TACC2: variants seen among roughly 807,000 people sequenced by gnomAD.
The protein encoded by TACC2 is transforming acidic coiled-coil containing protein 2, also known as transforming acidic coiled-coil-containing protein 2.
In TACC2, 137 loss-of-function variants were observed where a neutral mutation model predicts 227.3. The observed-to-expected ratio is 0.60, with a 90% CI of 0.52 to 0.69. The LOEUF (loss-of-function observed/expected upper bound fraction) is 0.69, where lower values mean the gene tolerates loss of function less well. TACC2 is among the 30% of genes least tolerant of loss of function. The pLI is 0.00. For missense variants in TACC2, 3,470 were observed against 3,694.4 expected (o/e 0.94, Z 1.57); for synonymous variants, 1,523 against 1,487.5 (o/e 1.02, Z -0.55).
intron 5 of TACC2, among the ~76,000 whole-genome samples, chr10:122,108,452 T>TC (rs1413087560): frequency 6.9e-6 from 1 of 145,158 alleles, no homozygotes; most frequent in African/African-American, 2.5e-5. Context: ...CTTTTTTTTT[T>TC]TTTTTTTTTT....
intron 22 of TACC2, among the ~76,000 whole-genome samples, chr10:122,250,361 G>C (rs1314792927): frequency 6.6e-6 from 1 of 152,232 alleles, no homozygotes; most frequent in Non-Finnish European, 1.5e-5. Context: ...AATTTCCTGA[G>C]CCTTGGGGTT....
chr10:122,178,641 T>C (rs1320078684), intron 7 of TACC2, among the ~76,000 whole-genome samples: 4 of 152,176 alleles, frequency 2.6e-5, no homozygotes, highest in Non-Finnish European at 4.4e-5. Context: ...CCCAGCACTT[T>C]GAGAGGCCAA....
chr10:122,113,724 G>T (rs1355538540), intron 5 of TACC2, among the ~76,000 whole-genome samples: 1 of 152,272 alleles, frequency 6.6e-6, no homozygotes, highest in East Asian at 1.9e-4. Context: ...ATAAAACTCT[G>T]CGCTGGATTT....
At chr10:122,243,366 G>T (rs1466516750) in intron 19 of TACC2, among the ~76,000 whole-genome samples, 2 of 152,130 alleles carry the variant, frequency 1.3e-5, no homozygotes, top group African/African-American at 4.8e-5. Flanking sequence ...CCAAGCATAT[G>T]GATGTATGAG....
intron 16 of TACC2, among the ~76,000 whole-genome samples, chr10:122,234,118 C>A (rs1312596467): frequency 6.6e-6 from 1 of 152,220 alleles, no homozygotes; most frequent in Non-Finnish European, 1.5e-5. Context: ...GGCAGGTGCT[C>A]TCCCCAGAAT....
intron 5 of TACC2, among the ~76,000 whole-genome samples, chr10:122,115,912 TG>T (rs1250852293): frequency 6.6e-6 from 1 of 152,176 alleles, no homozygotes; most frequent in African/African-American, 2.4e-5. Flanking sequence ...TAACTAGTGC[TG>T]GCTAGAGGAG....
intron 3 of TACC2, among the ~76,000 whole-genome samples, chr10:122,061,827 G>A (rs926358743): frequency 1.3e-5 from 2 of 151,982 alleles, no homozygotes; most frequent in African/African-American, 4.8e-5. Context: ...GGGGAGAGAG[G>A]GGCTGGCTCT....
chr10:122,051,439 A>G (rs1293310601), intron 3 of TACC2: 1 of 151,914 alleles, frequency 6.6e-6, no homozygotes, highest in Admixed American at 6.6e-5. Context: ...TTGGCCCCAC[A>G]CTCATAGTTT....
intron 8 of TACC2, among the ~76,000 whole-genome samples, chr10:122,203,930 C>T (rs1014234614): frequency 4.6e-5 from 7 of 152,058 alleles, no homozygotes; most frequent in South Asian, 2.1e-4. Context: ...CCGAGGCTGG[C>T]GGATCACTCG....
In TACC2 at chr10:122,194,147, T is replaced by A. The variant is rs1593171829; in HGVS notation, c.5835-893T>A. 6.6e-6 allele frequency among the ~76,000 whole-genome samples: 1 copy of A among 152,186 alleles called. No individual in the cohort carries two copies. The highest frequency in any genetic ancestry group is 1.9e-4 in the East Asian group (1 of 5,190). On this transcript the variant is annotated intron_variant, in intron 7 of 22. Coordinates refer to ENST00000369005, the MANE Select transcript of TACC2 (RefSeq NM_206862.4). The surrounding 1 kb of genome is among the most constrained non-coding windows in gnomAD (Gnocchi z 4.4). The stretch of plus-strand genomic sequence containing the variant: ...CTGTGTTGCCCAGGCTGGTCTCAAA[T>A]GCCTGACATCAAGCGATCCTCCCAC...
In TACC2 at chr10:122,075,802, CT is replaced by C. The variant is rs564189781; in HGVS notation, c.147-6837del. 1.2e-4 allele frequency among the ~76,000 whole-genome samples: 18 copies of C among 151,928 alleles called. No homozygotes were observed. The South Asian group carries it at 2.5e-3, about 21-fold the overall frequency. Reference sequence around the variant, plus strand: ...ATTTATAAAGAAAAATAATTGATTTCTTTTTTTTATTGTTGAGACAGGGTCT... The same window carrying C: ...ATTTATAAAGAAAAATAATTGATTTCTTTTTTTATTGTTGAGACAGGGTCT... On this transcript the variant is annotated intron_variant, in intron 3 of 22. Transcript: ENST00000369005.
chr10:122,086,704 C>T lies in TACC2; in HGVS notation c.4204C>T (p.Leu1402Phe), dbSNP rs1591834626. The T allele has an allele frequency of 6.2e-7, 1 of 1,613,952 alleles. No individual in the cohort carries two copies. Among genetic ancestry groups the T allele is most frequent in the South Asian group, 1.1e-5 (1 of 91,070 alleles). The change falls in exon 4 of 23, where the codon CTC (leucine) becomes TTC (phenylalanine). Residue 1402 changes from leucine to phenylalanine, a missense_variant. Leu to Phe is a conservative substitution (Grantham distance 22). This residue lies in a region of TACC2 where 1,924 missense variants were observed against 1,978.3 expected (regional missense o/e 0.97). Transcript: ENST00000369005. ...CACAAGCTCTGAGCAAATCGCCACC[C>T]TCACTGGCTTCCCAGACTTCAGGGA... ...VDTSSEQIAT[L>F]TGFPDFREHI...
chr10:122,080,957 T>C (rs542910622), intron 3 of TACC2, among the ~76,000 whole-genome samples: 1 of 152,270 alleles, frequency 6.6e-6, no homozygotes, highest in Non-Finnish European at 1.5e-5. Context: ...TTAAAGAAAA[T>C]GGTAAAAGCT....
chr10:122,047,542 C>T (rs2075165606), intron 2 of TACC2, among the ~76,000 whole-genome samples: 1 of 152,072 alleles, frequency 6.6e-6, no homozygotes, highest in African/African-American at 2.4e-5. Flanking sequence ...AGGAACCATC[C>T]CCAGCTCTTT....
At chr10:122,252,554 A>C (rs2096272798) in intron 22 of TACC2, among the ~76,000 whole-genome samples, 1 of 150,972 alleles carries the variant, frequency 6.6e-6, no homozygotes, top group African/African-American at 2.4e-5. Flanking sequence ...GCAGTGGCGC[A>C]ATCTCGGCTC....
At chr10:122,106,701 C>T (rs2082843582) in intron 5 of TACC2, among the ~76,000 whole-genome samples, 1 of 152,190 alleles carries the variant, frequency 6.6e-6, no homozygotes, top group Non-Finnish European at 1.5e-5. Flanking sequence ...ATGAGTGCTT[C>T]TCAGCACCAC....
In TACC2 at chr10:122,074,991, G is replaced by T. The variant is rs3981241; in HGVS notation, c.147-7656G>T. ...CCCTCAGAATGTGTGAGGAAATAGA[G>T]CACTTTGGACATCCTAAATGTTGGT... On this transcript the variant is annotated intron_variant, in intron 3 of 22. Transcript: ENST00000369005. 2.2e-3 allele frequency among the ~76,000 whole-genome samples: 333 copies of T among 152,096 alleles called. 4 individuals carry two copies. The highest frequency in any genetic ancestry group is 3.4e-3 in the Middle Eastern group (1 of 294).
At chr10:122,152,999 C>CTATCTTTTTTTTT (rs1555080795) in intron 7 of TACC2, among the ~76,000 whole-genome samples, 1 of 135,024 alleles carries the variant, frequency 7.4e-6, no homozygotes, top group Non-Finnish European at 1.6e-5. Context: ...TTCTTTCTTT[C>CTATCTTTTTTTTT]TTTTTTTTTT....
chr10:121,991,168 G>A (rs1241258223), intron 1 of TACC2, among the ~76,000 whole-genome samples: 1 of 152,204 alleles, frequency 6.6e-6, no homozygotes, highest in African/African-American at 2.4e-5. Flanking sequence ...TGTGTGTTCT[G>A]TCTTCTTCAG....
Sources: gnomAD v4.1 joint callset for allele counts (sites outside exome capture counted in the v4.1 genomes callset) on GRCh38, gnomAD v4.1.1 for gene constraint, gnomAD v4.1.1 regional missense constraint, Gnocchi (gnomAD v3.1) non-coding constraint, MANE v1.5 for transcripts, NCBI Gene and HGNC (gene_info 2026-07-23, HGNC 2026-07-21) for gene names.